DCT: variants seen among roughly 807,000 people sequenced by gnomAD.
The protein encoded by DCT is dopachrome tautomerase.
A neutral mutation model predicts 53.0 loss-of-function variants in DCT; 47 were observed. The ratio of observed to expected loss-of-function variants is 0.89; its 90% confidence interval spans 0.70 to 1.13. The LOEUF (loss-of-function observed/expected upper bound fraction) is 1.13, where lower values mean the gene tolerates loss of function less well. Among genes scored for constraint, DCT ranks in the 50% most tolerant of loss-of-function variants. The probability of loss-of-function intolerance (pLI) is 0.00; values close to 1 mark genes in which losing one functional copy is unlikely to be tolerated. For synonymous variants in DCT, 244 were observed against 237.0 expected (o/e 1.03, Z -0.27); for missense variants, 669 against 637.4 (o/e 1.05, Z -0.53).
intron 4 of DCT, among the ~76,000 whole-genome samples, chr13:94,464,738 C>T (rs1369328454): frequency 1.3e-5 from 2 of 151,964 alleles, no homozygotes; most frequent in African/African-American, 2.4e-5. Context: ...AAATTTTTGG[C>T]TGAAATGTGT....
intron 5 of DCT, 51 bp from the exon 6 acceptor site, chr13:94,460,277 T>C: frequency 6.4e-7 from 1 of 1,560,226 alleles, no homozygotes; most frequent in African/African-American, 1.4e-5. Flanking sequence ...GATAAAGGTC[T>C]CTTTTTTGTT....
In DCT at chr13:94,447,793, T is replaced by C. The variant is rs553321247; in HGVS notation, c.1180-4156A>G. Among the ~76,000 whole-genome samples, 16 of 152,134 alleles carry C rather than the reference T, an allele frequency of 1.1e-4. No individual in the cohort carries two copies. The South Asian group carries it at 3.3e-3, about 32-fold the overall frequency. On this transcript the variant is annotated intron_variant, in intron 6 of 7. Coordinates refer to ENST00000377028, the MANE Select transcript of DCT (RefSeq NM_001922.5). ...ATCAGTGCTGTAAGAGGCAAATAAC[T>C]TATAGAAAGTATCAGAATTCACCAA...
the DCT span, among the ~76,000 whole-genome samples, chr13:94,540,112 T>TA: frequency 7.3e-3 from 1,069 of 147,420 alleles, 19 homozygotes; most frequent in African/African-American, 0.022. Flanking sequence ...TTATCAATTC[T>TA]AAAAAAAAAA....
chr13:94,534,510 A>G, the DCT span, among the ~76,000 whole-genome samples: 1 of 152,250 alleles, frequency 6.6e-6, no homozygotes, highest in Non-Finnish European at 1.5e-5. Context: ...ACTGGCACAA[A>G]CAGGTGTGGG....
At chr13:94,491,089 A>G in the DCT span, among the ~76,000 whole-genome samples, 1 of 152,302 alleles carries the variant, frequency 6.6e-6, no homozygotes, top group Admixed American at 6.5e-5. Flanking sequence ...AGTGAACAAG[A>G]AAAGTCAGGG....
chr13:94,536,438 G>T, the DCT span, among the ~76,000 whole-genome samples: 15 of 152,280 alleles, frequency 9.9e-5, no homozygotes, highest in Admixed American at 9.2e-4. Flanking sequence ...GTGATCCCCA[G>T]TGTTGGAGGT....
At chr13:94,496,502 TCATTATTAA>T in the DCT span, among the ~76,000 whole-genome samples, 1 of 152,150 alleles carries the variant, frequency 6.6e-6, no homozygotes, top group Non-Finnish European at 1.5e-5. Flanking sequence ...CCGGATTCTG[TCATTATTAA>T]CATTATTAAC....
chr13:94,464,211 G>A (rs1161645202), intron 4 of DCT, among the ~76,000 whole-genome samples: 2 of 152,194 alleles, frequency 1.3e-5, no homozygotes, highest in Admixed American at 6.5e-5. Context: ...AGCTGGGCAT[G>A]GGCCCCTCAA....
At chr13:94,448,860 C>T (rs968631686) in intron 6 of DCT, among the ~76,000 whole-genome samples, 10 of 151,596 alleles carry the variant, frequency 6.6e-5, no homozygotes, top group African/African-American at 2.4e-4. Context: ...GCCAAGAACG[C>T]ACCACTGCAC....
intron 1 of DCT, among the ~76,000 whole-genome samples, chr13:94,472,995 T>C (rs965448093): frequency 1.3e-5 from 2 of 152,180 alleles, no homozygotes; most frequent in African/African-American, 4.8e-5. Context: ...GTGCACATCT[T>C]AAGAATCACG....
the DCT span, among the ~76,000 whole-genome samples, chr13:94,517,219 A>G: frequency 2.0e-5 from 3 of 152,302 alleles, no homozygotes; most frequent in East Asian, 5.8e-4. Context: ...TCTGTCTCCT[A>G]ACATCTAATC....
At chr13:94,452,382 C>A (rs1389110461) in intron 6 of DCT, among the ~76,000 whole-genome samples, 2 of 152,152 alleles carry the variant, frequency 1.3e-5, no homozygotes, top group African/African-American at 4.8e-5. Context: ...TGCTAAAATG[C>A]CTTTTCACCT....
intron 2 of DCT, 118 bp from the exon 3 acceptor site, chr13:94,466,776 A>G (rs1566842602): frequency 1.9e-6 from 1 of 513,948 alleles, no homozygotes; most frequent in Non-Finnish European, 3.3e-6. Context: ...GTAGTAAGAA[A>G]AAAAAGTTTT....
At position 94,437,773 on chromosome 13, in the gene DCT, G is replaced by A. The variant is rs550547780; in HGVS notation, c.*2125C>T. The A allele has an allele frequency of 6.6e-6, 1 of 152,278 alleles. No individual in the cohort carries two copies. Among genetic ancestry groups the A allele is most frequent in the Admixed American group, 6.5e-5 (1 of 15,290 alleles). The allele number at this position is 152,278 out of a possible 1,614,324, so 9.4% of individuals were successfully genotyped here. A position where few individuals can be genotyped will look rare whatever the true frequency, so the allele number is the denominator to read the frequency against. On this transcript the variant is annotated 3_prime_UTR_variant, in exon 8 of 8. Transcript: ENST00000377028. ...TCATAATTGATTTATTGTAAGGTCA[G>A]AAAATGCTAGAAAATTGTATTTCTC... is the stretch of plus-strand genomic sequence containing the variant.
intron 1 of DCT, among the ~76,000 whole-genome samples, chr13:94,470,869 T>C (rs147011191): frequency 6.6e-6 from 1 of 152,356 alleles, no homozygotes; most frequent in African/African-American, 2.4e-5. Context: ...ACTACACTTG[T>C]TTCAGCTCCA....
the DCT span, among the ~76,000 whole-genome samples, chr13:94,541,302 A>T: frequency 6.6e-6 from 1 of 152,108 alleles, no homozygotes; most frequent in Non-Finnish European, 1.5e-5. Flanking sequence ...TCAGGAGTTC[A>T]AGACCAGCCT....
rs942470129 is a variant in DCT, at chr13:94,439,250, G to A, written c.*648C>T. On this transcript the variant is annotated 3_prime_UTR_variant, in exon 8 of 8. Coordinates refer to ENST00000377028, the MANE Select transcript of DCT (RefSeq NM_001922.5). ...CGTAAAATCTAGTTTACACAATAGAGTGGAATTGATCCTTCATTTAGTCAT... is the reference window on the plus strand; with the variant it reads ...CGTAAAATCTAGTTTACACAATAGAATGGAATTGATCCTTCATTTAGTCAT... 1.6e-4 allele frequency: 24 copies of A among 152,482 alleles called. No individual in the cohort carries two copies. Among genetic ancestry groups the A allele is most frequent in the African/African-American group, 5.8e-4 (24 of 41,562 alleles). The allele number at this position is 152,482 out of a possible 1,614,324, so 9.4% of individuals were successfully genotyped here. A position where few individuals can be genotyped will look rare whatever the true frequency, so the allele number is the denominator to read the frequency against.
At chr13:94,520,059 A>C in the DCT span, among the ~76,000 whole-genome samples, 1 of 152,198 alleles carries the variant, frequency 6.6e-6, no homozygotes, top group Non-Finnish European at 1.5e-5. Flanking sequence ...CATTCTCAAT[A>C]ATCTCAATGT....
chr13:94,543,614 T>C, the DCT span, among the ~76,000 whole-genome samples: 1 of 152,222 alleles, frequency 6.6e-6, no homozygotes, highest in Admixed American at 6.5e-5. Context: ...AAAATAGTAA[T>C]CAAATTACCC....
Sources: allele counts gnomAD v4.1 joint callset (sites outside exome capture counted in the v4.1 genomes callset), GRCh38; gene constraint gnomAD v4.1.1; transcripts MANE v1.5; gene names NCBI Gene and HGNC (gene_info 2026-07-23, HGNC 2026-07-21).